LZTS2: variants seen among roughly 807,000 people sequenced by gnomAD.
LZTS2 encodes leucine zipper tumor suppressor 2.
LZTS2 carries 32 observed loss-of-function variants against 60.6 expected under a neutral mutation model. The ratio of observed to expected loss-of-function variants is 0.53; its 90% CI spans 0.40 to 0.71. LZTS2 has a LOEUF of 0.71. Among genes scored for constraint, LZTS2 ranks in the 30% least tolerant of loss-of-function variants. The probability of loss-of-function intolerance (pLI) is 0.00; values close to 1 mark genes in which losing one functional copy is unlikely to be tolerated. For synonymous variants in LZTS2, 360 were observed against 393.1 expected (o/e 0.92, Z 1.00); for missense variants, 792 against 901.9 (o/e 0.88, Z 1.56).
exon 4 of LZTS2, chr10:101,007,453 C>T (rs1852248750): frequency 6.8e-7 from 1 of 1,467,336 alleles, no homozygotes; most frequent in African/African-American, 1.4e-5. Context: ...CAACCCTGTT[C>T]ACAGGCGCTT....
exon 4 of LZTS2, chr10:101,007,596 G>C (rs1215336136): frequency 1.6e-6 from 2 of 1,282,424 alleles, no homozygotes; most frequent in East Asian, 1.2e-4. Flanking sequence ...TTGGGGGACA[G>C]GGCCGGGCCT....
At chr10:100,996,986 G>C (rs3740490), upstream of LZTS2, 40,947 of 152,350 alleles carry the variant, frequency 0.27, 6,275 homozygotes, top group East Asian at 0.55. Flanking sequence ...TGGGCACTGG[G>C]TCGGCTGCTG....
exon 4 of LZTS2, chr10:101,007,453 C>G (rs1852248750): frequency 6.8e-7 from 1 of 1,467,454 alleles, no homozygotes; most frequent in East Asian, 2.9e-5. Context: ...CAACCCTGTT[C>G]ACAGGCGCTT....
chr10:101,007,763 A>ATAT (rs985523361), exon 4 of LZTS2: 62 of 588,638 alleles, frequency 1.1e-4, no homozygotes, highest in Non-Finnish European at 1.2e-4. Flanking sequence ...TTTCACTTGT[A>ATAT]TATTTTTCAC....
exon 4 of LZTS2, chr10:101,007,506 C>T (rs1299408557): frequency 1.4e-5 from 19 of 1,372,160 alleles, no homozygotes; most frequent in Non-Finnish European, 1.8e-5. Flanking sequence ...AGAAGGGGCT[C>T]CCTCCTCTTC....
At chr10:101,001,332 A>AACTCAT (rs1432522961) in exon 1 of LZTS2, 1 of 152,396 alleles carries the variant, frequency 6.6e-6, no homozygotes, top group South Asian at 2.1e-4. Flanking sequence ...TTCACACATG[A>AACTCAT]ACTCATATGT....
intron 2 of LZTS2, 48 bp from the exon 4 acceptor site, chr10:101,005,410 G>C (rs773459825): frequency 6.6e-7 from 1 of 1,504,878 alleles, no homozygotes; most frequent in Non-Finnish European, 8.9e-7. Context: ...CACTGAGTGG[G>C]GAGTTGGGAA....
At chr10:101,004,785 A>G (rs545849108) in intron 2 of LZTS2, among the ~76,000 whole-genome samples, 4 of 152,210 alleles carry the variant, frequency 2.6e-5, no homozygotes, top group Non-Finnish European at 5.9e-5. Context: ...AATAAGGCAA[A>G]AGGTGTAAAG....
At chr10:101,007,145 G>A (rs1280845458) in exon 4 of LZTS2, 8 of 1,600,724 alleles carry the variant, frequency 5.0e-6, no homozygotes, top group African/African-American at 1.3e-5. Context: ...CTGCCTGGAG[G>A]AGATCACTGC....
At chr10:100,997,578 C>T (rs2133954983), upstream of LZTS2, among the ~76,000 whole-genome samples, 1 of 142,970 alleles carries the variant, frequency 7.0e-6, no homozygotes, top group African/African-American at 2.5e-5. Flanking sequence ...GTATTGGGTG[C>T]GGGAAAGGGG....
At chr10:101,005,678 G>T in exon 3 of LZTS2, 1 of 1,602,964 alleles carries the variant, frequency 6.2e-7, no homozygotes, top group Non-Finnish European at 8.5e-7. Flanking sequence ...CGGGAGCAGC[G>T]GGAGCTCGGG....
chr10:101,003,640 A>G (rs1288539740), exon 2 of LZTS2: 1 of 1,608,206 alleles, frequency 6.2e-7, no homozygotes, highest in East Asian at 2.2e-5. Context: ...AGCCTGACGC[A>G]GCTGTTTGGG....
chr10:101,006,396 TCTC>T, intron 3 of LZTS2, 86 bp from the exon 5 acceptor site: 1 of 1,471,630 alleles, frequency 6.8e-7, no homozygotes, highest in African/African-American at 1.4e-5. Context: ...GATGGACTCT[TCTC>T]TCCCAAATGC....
At chr10:101,004,299 C>A in intron 2 of LZTS2, 133 bp downstream of exon 3, 1 of 982,848 alleles carries the variant, frequency 1.0e-6, no homozygotes, top group Non-Finnish European at 1.4e-6. Flanking sequence ...CCCTCCCCAC[C>A]AGTTGTCTGG....
At chr10:100,997,445 C>T (rs1851939373), upstream of LZTS2, among the ~76,000 whole-genome samples, 2 of 152,226 alleles carry the variant, frequency 1.3e-5, no homozygotes, top group Admixed American at 6.5e-5. Context: ...CACGCCCGCA[C>T]TTGGGACACG....
chr10:101,003,041 G>A (rs1852080794), intron 1 of LZTS2, 95 bp downstream of exon 2: 1 of 1,414,146 alleles, frequency 7.1e-7, no homozygotes, highest in Non-Finnish European at 9.4e-7. Flanking sequence ...AAGAGTGTGG[G>A]CTCCAGATTC....
At chr10:101,006,199 ACCCAGTC>A (rs758496393) in intron 3 of LZTS2, among the ~76,000 whole-genome samples, 11 of 152,120 alleles carry the variant, frequency 7.2e-5, no homozygotes, top group South Asian at 2.1e-4. Flanking sequence ...ACTTGCCAGG[ACCCAGTC>A]CCCAGTCCCC....
intron 2 of LZTS2, among the ~76,000 whole-genome samples, chr10:101,004,447 AAAT>A (rs1852125475): frequency 6.6e-6 from 1 of 151,852 alleles, no homozygotes; most frequent in South Asian, 2.1e-4. Context: ...TTTCTACTAA[AAAT>A]AAATTAGCTA....
exon 2 of LZTS2, chr10:101,003,713 TAGTGGCTGGGCC>T: frequency 6.2e-7 from 1 of 1,613,538 alleles, no homozygotes; most frequent in South Asian, 1.1e-5. Context: ...CCCTGGCATT[TAGTGGCTGGGCC>T]AGTGGCTGCC....
Sources: allele counts gnomAD v4.1 joint callset (sites outside exome capture counted in the v4.1 genomes callset), GRCh38; gene constraint gnomAD v4.1.1; transcripts MANE v1.5; gene names NCBI Gene and HGNC (gene_info 2026-07-23, HGNC 2026-07-21).